PIP4P2: variants seen among roughly 807,000 people sequenced by gnomAD.
PIP4P2 encodes the protein type 2 phosphatidylinositol 4,5-bisphosphate 4-phosphatase.
PIP4P2 carries 19 observed loss-of-function variants against 33.3 expected under a neutral mutation model. That is an observed-to-expected ratio of 0.57 (90% confidence interval 0.40 to 0.84). The LOEUF is 0.84. Among genes scored for constraint, PIP4P2 ranks in the 40% least tolerant of loss-of-function variants. The pLI is 0.00. For missense variants in PIP4P2, 270 were observed against 324.7 expected, an observed-to-expected ratio of 0.83 and a Z score of 1.29; for synonymous variants, 110 against 111.9, an observed-to-expected ratio of 0.98 and a Z score of 0.11.
chr8:91,012,547 A>T (rs1210620318), intron 4 of PIP4P2, among the ~76,000 whole-genome samples: 1 of 152,108 alleles, frequency 6.6e-6, no homozygotes, highest in African/African-American at 2.4e-5. Flanking sequence ...CCTCTCCTAT[A>T]GGTGTATACA....
chr8:91,002,377 A>T (rs886697461), intron 5 of PIP4P2, among the ~76,000 whole-genome samples: 3 of 152,158 alleles, frequency 2.0e-5, no homozygotes, highest in African/African-American at 7.2e-5. Flanking sequence ...GCTCTCAAAC[A>T]TCTAACTATT....
chr8:91,039,514 A>G (rs1028112812), intron 1 of PIP4P2, among the ~76,000 whole-genome samples: 1 of 152,254 alleles, frequency 6.6e-6, no homozygotes, highest in Non-Finnish European at 1.5e-5. Context: ...CCTGCTCTAC[A>G]TCAGCTCTAA....
intron 4 of PIP4P2, among the ~76,000 whole-genome samples, chr8:91,010,957 T>TAAAAA (rs5893153): frequency 3.0e-5 from 4 of 133,840 alleles, no homozygotes; most frequent in African/African-American, 1.1e-4. Flanking sequence ...AGAAGATTTG[T>TAAAAA]AAAAAAAAAA....
At chr8:90,996,846 C>T (rs1160506357) in intron 5 of PIP4P2, 102 bp from the exon 6 acceptor site, 16 of 888,718 alleles carry the variant, frequency 1.8e-5, no homozygotes, top group Non-Finnish European at 2.2e-5. Context: ...ATATTATATA[C>T]TTTTTATTCA....
At chr8:90,996,516 A>G in intron 6 of PIP4P2, 138 bp downstream of exon 6, 2 of 583,504 alleles carry the variant, frequency 3.4e-6, no homozygotes, top group Non-Finnish European at 5.8e-6. Context: ...GATTGCTCAT[A>G]ATCATTCAGA....
intron 5 of PIP4P2, among the ~76,000 whole-genome samples, chr8:91,003,546 A>G (rs1392619155): frequency 1.3e-5 from 2 of 152,196 alleles, no homozygotes; most frequent in Non-Finnish European, 1.5e-5. Flanking sequence ...TAATATATTT[A>G]TCAATACACA....
rs368800207 is a variant in PIP4P2, at chr8:91,008,839, A to T, written c.487-44T>A. On this transcript the variant is annotated intron_variant, in intron 4 of 6. Coordinates refer to ENST00000285419, the MANE Select transcript of PIP4P2 (RefSeq NM_018710.3). ...GAGGAATTGAAAAGAAAACAACTGA[A>T]AACTATCCAATCTGATAAGACATTT... The T allele has an allele frequency of 1.2e-4, 185 of 1,499,314 alleles. 5 individuals carry two copies. In the Middle Eastern group the frequency reaches 2.3e-3, roughly 19 times the overall value. The allele number at this position is 1,499,314 out of a possible 1,614,324, so 92.9% of individuals were successfully genotyped here.
chr8:91,030,987 C>T (rs895487079), intron 1 of PIP4P2, among the ~76,000 whole-genome samples: 2 of 152,136 alleles, frequency 1.3e-5, no homozygotes, highest in African/African-American at 4.8e-5. Flanking sequence ...TTTGTAACTG[C>T]TTTGACAAAT....
intron 5 of PIP4P2, among the ~76,000 whole-genome samples, chr8:91,004,759 G>A (rs776482779): frequency 5.9e-5 from 9 of 152,036 alleles, no homozygotes; most frequent in African/African-American, 1.2e-4. Context: ...ACAGGTTTAC[G>A]AGTATGAAAT....
intron 3 of PIP4P2, 42 bp downstream of exon 3, chr8:91,020,115 T>C: frequency 6.3e-7 from 1 of 1,592,466 alleles, no homozygotes; most frequent in Non-Finnish European, 8.6e-7. Flanking sequence ...ACTTGTTGAA[T>C]GAACAAATGA....
chr8:91,003,729 A>G lies in PIP4P2; in HGVS notation c.539+5014T>C, dbSNP rs113993857. On this transcript the variant is annotated intron_variant, in intron 5 of 6. Coordinates refer to ENST00000285419, the MANE Select transcript of PIP4P2 (RefSeq NM_018710.3). ...TCATTTAATGGCATCTAAATGACAT[A>G]GGAACATAAGAGAAAACCCGGATAA... Among the ~76,000 whole-genome samples the G allele has an allele frequency of 7.7e-4, 117 of 152,272 alleles. 1 individual carries two copies. The highest frequency in any genetic ancestry group is 2.7e-3 in the African/African-American group (113 of 41,574).
rs772395830 is a variant in PIP4P2, at chr8:90,996,712, C to T, written c.572G>A (p.Arg191His). The change falls in exon 6 of 7, where the codon CGC becomes CAC. Residue 191 changes from arginine (R) to histidine (H), a missense_variant. By Grantham distance (29) the Arg-to-His change is conservative. Coordinates refer to ENST00000285419, the MANE Select transcript of PIP4P2 (RefSeq NM_018710.3). ...TCCAATGGTAATATATGCACAGCAG[C>T]GTCTTCGTGGAAGTGCACTACCCAC... Reference protein sequence around the residue: ...SSVGSALPRRRCCAYITIGMI... With the variant: ...SSVGSALPRRHCCAYITIGMI... 5.0e-6 allele frequency: 8 copies of T among 1,609,456 alleles called. No homozygotes were observed. Among genetic ancestry groups the T allele is most frequent in the South Asian group, 2.2e-5 (2 of 90,240 alleles).
chr8:91,000,439 C>A (rs537968315), intron 5 of PIP4P2, among the ~76,000 whole-genome samples: 221 of 150,694 alleles, frequency 1.5e-3, no homozygotes, highest in African/African-American at 5.2e-3. Flanking sequence ...ATGGTAGATA[C>A]CCTGGGTTTT....
intron 5 of PIP4P2, among the ~76,000 whole-genome samples, chr8:91,000,655 T>C (rs1056355313): frequency 3.3e-5 from 5 of 152,014 alleles, no homozygotes; most frequent in African/African-American, 1.2e-4. Flanking sequence ...ATTGAAAATA[T>C]GCCTTTTGTC....
intron 1 of PIP4P2, among the ~76,000 whole-genome samples, chr8:91,024,550 G>A (rs979377634): frequency 6.6e-6 from 1 of 151,838 alleles, no homozygotes; most frequent in Non-Finnish European, 1.5e-5. Flanking sequence ...CAGCTTCCTC[G>A]GTAGCTGGGA....
Position 90,995,150 on chromosome 8 carries a change from G to A in PIP4P2, c.*527C>T, listed in dbSNP as rs1011192717. On this transcript the variant is annotated 3_prime_UTR_variant, in exon 7 of 7. Transcript: ENST00000285419. ...TTTTTTCCTCTGACAAGAATGTCAA[G>A]TCTTTGAAGTTACACTAAATTTTTT... 1 of 147,496 alleles carries A rather than the reference G, an allele frequency of 6.8e-6. No individual in the cohort carries two copies. Among genetic ancestry groups the A allele is most frequent in the African/African-American group, 2.4e-5 (1 of 41,074 alleles). 9.1% of individuals were successfully genotyped at this position (147,496 alleles called of 1,614,324 possible).
intron 1 of PIP4P2, 151 bp downstream of exon 1, chr8:91,040,493 T>C (rs971770602): frequency 2.4e-6 from 2 of 823,958 alleles, no homozygotes; most frequent in Non-Finnish European, 3.8e-6. Flanking sequence ...GCAGGCGGGC[T>C]TGCCTGGGAA....
intron 5 of PIP4P2, among the ~76,000 whole-genome samples, chr8:91,004,454 C>A (rs1395505500): frequency 6.6e-6 from 1 of 152,116 alleles, no homozygotes; most frequent in Non-Finnish European, 1.5e-5. Flanking sequence ...TTTACCATTT[C>A]TTTAGACATT....
intron 5 of PIP4P2, among the ~76,000 whole-genome samples, chr8:91,000,421 G>T (rs772710185): frequency 2.0e-5 from 3 of 150,320 alleles, no homozygotes; most frequent in Non-Finnish European, 4.4e-5. Context: ...TTTAGTAAGG[G>T]TACCAGGATG....
Sources: allele counts gnomAD v4.1 joint callset (sites outside exome capture counted in the v4.1 genomes callset), GRCh38; gene constraint gnomAD v4.1.1; transcripts MANE v1.5; gene names NCBI Gene and HGNC (gene_info 2026-07-23, HGNC 2026-07-21).